NBEA: variants seen among roughly 807,000 people sequenced by gnomAD.
NBEA encodes the protein lysosomal-trafficking regulator 2.
A neutral mutation model predicts 343.4 loss-of-function variants in NBEA; 44 were observed. The observed-to-expected ratio is 0.13, with a 90% CI of 0.10 to 0.16. The LOEUF is 0.16. NBEA is among the 10% of genes least tolerant of loss of function. The pLI, the probability that NBEA is intolerant of heterozygous loss-of-function variation, is 1.00. For synonymous variants in NBEA, 1,175 were observed against 1,238.7 expected (o/e 0.95, Z 1.08); for missense variants, 2,555 against 3,631.3 (o/e 0.70, Z 7.62).
At chr13:35,627,263 G>C (rs1179160990) in intron 48 of NBEA, among the ~76,000 whole-genome samples, 1 of 152,062 alleles carries the variant, frequency 6.6e-6, no homozygotes, top group Non-Finnish European at 1.5e-5. Flanking sequence ...CCATGTTGTT[G>C]AAATCAGTGT....
At chr13:35,035,409 A>G (rs1002302765) in intron 1 of NBEA, among the ~76,000 whole-genome samples, 7 of 152,004 alleles carry the variant, frequency 4.6e-5, no homozygotes, top group Middle Eastern at 3.4e-3. Context: ...GAATGTCTCA[A>G]GATTTGTTTT....
At chr13:35,193,023 A>G (rs1355483072) in intron 30 of NBEA, among the ~76,000 whole-genome samples, 3 of 151,972 alleles carry the variant, frequency 2.0e-5, no homozygotes, top group Non-Finnish European at 4.4e-5. Context: ...ATTAAACTCT[A>G]TAAAAATTAG....
intron 41 of NBEA, among the ~76,000 whole-genome samples, chr13:35,495,756 T>C (rs1222667006): frequency 1.3e-5 from 2 of 152,008 alleles, no homozygotes; most frequent in Non-Finnish European, 2.9e-5. Context: ...TGTCAGGCCA[T>C]AACACAAGCC....
At chr13:35,104,186 G>C (rs1476731854) in intron 11 of NBEA, among the ~76,000 whole-genome samples, 1 of 151,832 alleles carries the variant, frequency 6.6e-6, no homozygotes, top group Non-Finnish European at 1.5e-5. Context: ...GATACTCACA[G>C]ACTTTGATTC....
intron 1 of NBEA, among the ~76,000 whole-genome samples, chr13:34,978,600 C>T (rs1367486935): frequency 6.6e-6 from 1 of 152,198 alleles, no homozygotes; most frequent in Non-Finnish European, 1.5e-5. Flanking sequence ...GTTCCTCGTA[C>T]TCCTTTCCAG....
At position 35,393,767 on chromosome 13, in the gene NBEA, T is replaced by TATGA. The variant is rs556536692; in HGVS notation, c.6180-38500_6180-38497dup. 2.6e-3 allele frequency among the ~76,000 whole-genome samples: 392 copies of TATGA among 152,248 alleles called. 3 individuals are homozygous for TATGA. Among genetic ancestry groups the TATGA allele is most frequent in the African/African-American group, 9.1e-3 (378 of 41,580 alleles). ...GGTTTTCCAAGTTAAAGGAAAGAAGTATGAAATACATTGTCTATCTTTGCT... is the reference window on the plus strand; with the variant it reads ...GGTTTTCCAAGTTAAAGGAAAGAAGTATGAATGAAATACATTGTCTATCTTTGCT... On this transcript the variant is annotated intron_variant, in intron 38 of 58. Transcript: ENST00000379939.
Position 35,585,011 on chromosome 13 carries a change from C to T in NBEA, c.7176+973C>T, listed in dbSNP as rs542505793. On this transcript the variant is annotated intron_variant, in intron 46 of 58. Coordinates refer to ENST00000379939, the MANE Select transcript of NBEA (RefSeq NM_001385012.1). ...ACACTGGCACTTGCTCTCCCCCCCT[C>T]CCTCATTCTTTCTTCTTGGGCAGCA... Among the ~76,000 whole-genome samples the T allele has an allele frequency of 6.0e-5, 9 of 151,140 alleles. No individual in the cohort carries two copies. The South Asian group carries it at 1.7e-3, about 28-fold the overall frequency.
At position 35,667,531 on chromosome 13, in the gene NBEA, G is replaced by A. The variant is rs2085417056; in HGVS notation, c.8622G>A (p.Gly2874=). 1 of 1,613,990 alleles carries A rather than the reference G, an allele frequency of 6.2e-7. No homozygotes were observed. The highest frequency in any genetic ancestry group is 2.2e-5 in the East Asian group (1 of 44,886). The change falls in exon 57 of 59, where the codon GGG becomes GGA. Residue 2874 remains glycine, a synonymous_variant. Transcript: ENST00000379939. ...GATTCAGTAATTTCAGCATTAATGG[G>A]AAACTTTTGGCTCAAATGGAGATCA... The part of the protein sequence containing the change: ...RGRFSNFSIN[G]KLLAQMEIND...
chr13:35,125,321 T>G (rs1451919759), intron 17 of NBEA, among the ~76,000 whole-genome samples: 8 of 151,880 alleles, frequency 5.3e-5, no homozygotes, highest in African/African-American at 1.9e-4. Context: ...GGTGAGAGAG[T>G]TCACTTATAG....
chr13:35,187,000 A>G (rs1023560758), intron 30 of NBEA, among the ~76,000 whole-genome samples: 3 of 152,264 alleles, frequency 2.0e-5, no homozygotes, highest in Non-Finnish European at 4.4e-5. Flanking sequence ...ACAAAGTTTT[A>G]AAAGTTTAAA....
chr13:35,079,758 C>T (rs906148938), intron 10 of NBEA, among the ~76,000 whole-genome samples: 1 of 151,942 alleles, frequency 6.6e-6, no homozygotes, highest in Admixed American at 6.6e-5. Context: ...AATAGTCCAC[C>T]ATGTTTGTTA....
chr13:35,005,659 G>A (rs995454858), intron 1 of NBEA, among the ~76,000 whole-genome samples: 9 of 152,144 alleles, frequency 5.9e-5, no homozygotes, highest in African/African-American at 1.9e-4. Context: ...GTTACTTACA[G>A]TATCCTTGAT....
chr13:35,053,933 G>A (rs1219101183), intron 6 of NBEA, among the ~76,000 whole-genome samples: 4 of 152,066 alleles, frequency 2.6e-5, no homozygotes, highest in Non-Finnish European at 5.9e-5. Context: ...TTTGCCAAAA[G>A]CCATAGAGCT....
chr13:35,635,898 T>TGACAGTACAGTTCTGGTA (rs2083672555), intron 49 of NBEA, among the ~76,000 whole-genome samples: 1 of 152,208 alleles, frequency 6.6e-6, no homozygotes, highest in Non-Finnish European at 1.5e-5. Flanking sequence ...ATGCAGCTAG[T>TGACAGTACAGTTCTGGTA]CAAAGTTGGA....
At chr13:35,069,476 A>G (rs1365875393) in intron 8 of NBEA, among the ~76,000 whole-genome samples, 2 of 152,140 alleles carry the variant, frequency 1.3e-5, no homozygotes, top group African/African-American at 2.4e-5. Flanking sequence ...ATATTTTTAC[A>G]TGTTAACTTT....
Position 35,432,159 on chromosome 13 carries a change from A to C in NBEA, c.6180-110A>C, listed in dbSNP as rs1036057173. On this transcript the variant is annotated intron_variant, in intron 38 of 58. Coordinates refer to ENST00000379939, the MANE Select transcript of NBEA (RefSeq NM_001385012.1). ...GTAAAATATAAGTATCTCCAAAATT[A>C]TCTTAATTTTTCAATGAGACCAACA... 4.9e-6 allele frequency: 4 copies of C among 819,180 alleles called. No homozygotes were observed. In the African/African-American group the frequency reaches 7.0e-5, roughly 14 times the overall value. 50.7% of individuals were successfully genotyped at this position (819,180 alleles called of 1,614,324 possible).
chr13:34,942,736 G>T lies in NBEA; in HGVS notation c.-85G>T. On this transcript the variant is annotated 5_prime_UTR_variant, in exon 1 of 59. Coordinates refer to ENST00000379939, the MANE Select transcript of NBEA (RefSeq NM_001385012.1). ...TGGATGCTGGGGCTCCGAGGCGACG[G>T]CCGGGGGGCGGGGGCCGAGGCAGGT... The T allele has an allele frequency of 8.7e-7, 1 of 1,152,172 alleles. No homozygotes were observed. The highest frequency in any genetic ancestry group is 1.1e-6 in the Non-Finnish European group (1 of 911,500). The allele number at this position is 1,152,172 out of a possible 1,614,324, so 71.4% of individuals were successfully genotyped here. A position where few individuals can be genotyped will look rare whatever the true frequency, so the allele number is the denominator to read the frequency against.
At chr13:35,342,977 C>G (rs1050424939) in intron 36 of NBEA, among the ~76,000 whole-genome samples, 5 of 151,958 alleles carry the variant, frequency 3.3e-5, no homozygotes, top group Admixed American at 1.3e-4. Context: ...CCAAATTTCT[C>G]AGATATGATT....
At chr13:35,015,741 C>T (rs114723448) in intron 1 of NBEA, among the ~76,000 whole-genome samples, 5 of 151,836 alleles carry the variant, frequency 3.3e-5, no homozygotes, top group Admixed American at 6.6e-5. Context: ...CATTTTAAAA[C>T]GTCTAGAAAC....
Sources: allele counts gnomAD v4.1 joint callset (sites outside exome capture counted in the v4.1 genomes callset), GRCh38; gene constraint gnomAD v4.1.1; transcripts MANE v1.5; gene names NCBI Gene and HGNC (gene_info 2026-07-23, HGNC 2026-07-21).